Variants in PAX5 observed in about 807,000 individuals in gnomAD.
The protein encoded by PAX5 is paired box 5, also known as paired box protein Pax-5.
PAX5 carries 9 observed loss-of-function variants against 43.7 expected under a neutral mutation model. The ratio of observed to expected loss-of-function variants is 0.21; its 90% CI spans 0.12 to 0.36. The LOEUF (loss-of-function observed/expected upper bound fraction) is 0.36, where lower values mean the gene tolerates loss of function less well. PAX5 is among the 10% of genes least tolerant of loss of function. The pLI is 1.00. For synonymous variants in PAX5, 228 were observed against 214.3 expected, an observed-to-expected ratio of 1.06 and a Z score of -0.56; for missense variants, 383 against 532.7, an observed-to-expected ratio of 0.72 and a Z score of 2.77.
At chr9:36,901,953 A>G (rs868434288) in intron 7 of PAX5, among the ~76,000 whole-genome samples, 60 of 152,302 alleles carry the variant, frequency 3.9e-4, no homozygotes, top group African/African-American at 1.4e-3. Context: ...CTCACCAAAC[A>G]ATTTCCTTGC....
intron 6 of PAX5, among the ~76,000 whole-genome samples, chr9:36,964,993 C>A (rs1031503479): frequency 6.6e-6 from 1 of 152,162 alleles, no homozygotes; most frequent in African/African-American, 2.4e-5. Flanking sequence ...TCGTTCCTGC[C>A]GCCTTCCTCT....
intron 8 of PAX5, among the ~76,000 whole-genome samples, chr9:36,879,520 G>A (rs1234128124): frequency 6.6e-6 from 1 of 152,146 alleles, no homozygotes; most frequent in Non-Finnish European, 1.5e-5. Flanking sequence ...GCACACCCAG[G>A]CAGCCCAGGG....
Position 36,882,724 on chromosome 9 carries a change from G to A in PAX5, c.911-619C>T, listed in dbSNP as rs1372159428. ...TCTTCATTCAGTGAAGATGCAGGAA[G>A]CACCTCCCAGTGCCAAACACTGTTC... On this transcript the variant is annotated intron_variant, in intron 7 of 9. Coordinates refer to ENST00000358127, the MANE Select transcript of PAX5 (RefSeq NM_016734.3). This position sits in a 1 kb window ranked among gnomAD's most constrained non-coding sequence, Gnocchi z 4.4. Among the ~76,000 whole-genome samples the A allele has an allele frequency of 2.0e-5, 3 of 152,214 alleles. No individual in the cohort carries two copies. The highest frequency in any genetic ancestry group is 4.4e-5 in the Non-Finnish European group (3 of 68,046).
chr9:36,872,997 C>T (rs758001904), intron 8 of PAX5, among the ~76,000 whole-genome samples: 1 of 152,242 alleles, frequency 6.6e-6, no homozygotes, highest in Non-Finnish European at 1.5e-5. Context: ...CCCTGATGCC[C>T]ATGTTCTCTG....
intron 1 of PAX5, chr9:37,026,516 G>A (rs1160003981): frequency 3.8e-6 from 5 of 1,323,856 alleles, no homozygotes; most frequent in Admixed American, 2.3e-5. Context: ...AGAGAAGCGA[G>A]CTCGCCGCCT....
At chr9:36,988,098 A>G (rs533859381) in intron 5 of PAX5, among the ~76,000 whole-genome samples, 1 of 152,096 alleles carries the variant, frequency 6.6e-6, no homozygotes, top group East Asian at 1.9e-4. Context: ...GGTTGTCCAG[A>G]CTCAGTGGGT....
rs569700824 is a variant in PAX5, at chr9:36,967,134, G to A, written c.605-410C>T. Among the ~76,000 whole-genome samples the A allele has an allele frequency of 1.9e-4, 29 of 152,296 alleles. No homozygotes were observed. The South Asian group carries it at 3.7e-3, about 20-fold the overall frequency. On this transcript the variant is annotated intron_variant, in intron 5 of 9. Coordinates refer to ENST00000358127, the MANE Select transcript of PAX5 (RefSeq NM_016734.3). ...CCCCTCCTGTCCTAAAGACCTTCCC[G>A]GGAGGTACAGTTTTTCCCAGAGTTG...
chr9:36,907,671 T>C (rs1828935005), intron 7 of PAX5, among the ~76,000 whole-genome samples: 1 of 152,176 alleles, frequency 6.6e-6, no homozygotes, highest in Admixed American at 6.5e-5. Context: ...AGCTAGGGTG[T>C]CCTTAAAACA....
chr9:36,893,033 T>A (rs1827537261), intron 7 of PAX5, among the ~76,000 whole-genome samples: 1 of 152,186 alleles, frequency 6.6e-6, no homozygotes, highest in Admixed American at 6.5e-5. Flanking sequence ...GGAGATTTAT[T>A]TTTCATTTTC....
intron 7 of PAX5, among the ~76,000 whole-genome samples, chr9:36,915,640 T>C (rs1829676916): frequency 6.6e-6 from 1 of 152,232 alleles, no homozygotes; most frequent in African/African-American, 2.4e-5. Context: ...CACTTTTTTT[T>C]TCATTTTGTT....
intron 5 of PAX5, among the ~76,000 whole-genome samples, chr9:36,978,614 G>T (rs12003985): frequency 2.6e-5 from 4 of 152,050 alleles, no homozygotes; most frequent in African/African-American, 9.7e-5. Context: ...TCCCAAGGAC[G>T]ATATAACTAA....
At chr9:36,995,646 A>G (rs960886167) in intron 5 of PAX5, among the ~76,000 whole-genome samples, 4 of 152,114 alleles carry the variant, frequency 2.6e-5, no homozygotes, top group African/African-American at 9.7e-5. Context: ...CTCTCTCTCT[A>G]GGTTTTGGGG....
rs1313189728 is a variant in PAX5, at chr9:37,018,570, C to CAGAAAAAAAA, written c.212+2065_212+2066insTTTTTTTTCT. Among the ~76,000 whole-genome samples, 35 of 71,008 alleles carry CAGAAAAAAAA rather than the reference C, an allele frequency of 4.9e-4. 2 individuals are homozygous for CAGAAAAAAAA. The highest frequency in any genetic ancestry group is 9.4e-3 in the Middle Eastern group (1 of 106). 46.6% of individuals were successfully genotyped at this position (71,008 alleles called of 152,430 possible). A position where few individuals can be genotyped will look rare whatever the true frequency, so the allele number is the denominator to read the frequency against. On this transcript the variant is annotated intron_variant, in intron 2 of 9. Transcript: ENST00000358127. ...TGTGCCCATCAAATTCTTCAGTGAC[C>CAGAAAAAAAA]AAAAAAAAAAAAAAAAAATCTGTGG... is the stretch of plus-strand genomic sequence containing the variant.
chr9:36,982,287 A>G (rs772706140), intron 5 of PAX5, among the ~76,000 whole-genome samples: 49 of 152,098 alleles, frequency 3.2e-4, no homozygotes, highest in Non-Finnish European at 5.6e-4. Context: ...AAATAAAAAT[A>G]AATAAATAAA....
At chr9:36,952,589 A>G (rs1460780427) in intron 6 of PAX5, among the ~76,000 whole-genome samples, 1 of 152,178 alleles carries the variant, frequency 6.6e-6, no homozygotes, top group Non-Finnish European at 1.5e-5. Flanking sequence ...TTTCAACTGA[A>G]CGTGTCATAC....
intron 9 of PAX5, among the ~76,000 whole-genome samples, chr9:36,842,186 C>T (rs1822124739): frequency 1.3e-5 from 2 of 152,188 alleles, no homozygotes; most frequent in African/African-American, 4.8e-5. Flanking sequence ...GCTGCAGTCC[C>T]GACTCAGAGA....
chr9:36,891,021 C>A (rs544644463), intron 7 of PAX5, among the ~76,000 whole-genome samples: 158 of 152,236 alleles, frequency 1.0e-3, no homozygotes, highest in Middle Eastern at 0.01. Context: ...CGCCTGTAGT[C>A]CCAGCTACTC....
At chr9:36,972,314 C>T (rs1016664334) in intron 5 of PAX5, among the ~76,000 whole-genome samples, 5 of 152,216 alleles carry the variant, frequency 3.3e-5, no homozygotes, top group Non-Finnish European at 1.5e-5. Context: ...TGGGAGCCAG[C>T]AGTCCCGGGT....
chr9:36,943,922 A>G (rs1832275756), intron 6 of PAX5, among the ~76,000 whole-genome samples: 1 of 152,190 alleles, frequency 6.6e-6, no homozygotes, highest in South Asian at 2.1e-4. Flanking sequence ...TCAGTGGCTC[A>G]CACCTGTAAT....
Sources: gnomAD v4.1 joint callset for allele counts (sites outside exome capture counted in the v4.1 genomes callset) on GRCh38, gnomAD v4.1.1 for gene constraint, Gnocchi (gnomAD v3.1) non-coding constraint, MANE v1.5 for transcripts, NCBI Gene and HGNC (gene_info 2026-07-23, HGNC 2026-07-21) for gene names.